PTDSS1: variants seen among roughly 807,000 people sequenced by gnomAD.
PTDSS1 encodes the protein phosphatidylserine synthase 1.
Under a neutral mutation model 70.5 loss-of-function variants are expected in PTDSS1, and 45 were observed. The observed-to-expected ratio is 0.64, with a 90% CI of 0.50 to 0.82. The LOEUF is 0.82. PTDSS1 is among the 40% of genes least tolerant of loss of function. PTDSS1 has a pLI of 0.00. For synonymous variants in PTDSS1, 188 were observed against 203.8 expected (o/e 0.92, Z 0.66); for missense variants, 417 against 586.1 (o/e 0.71, Z 2.98).
intron 2 of PTDSS1, among the ~76,000 whole-genome samples, chr8:96,274,148 T>C (rs1016598606): frequency 6.6e-6 from 1 of 152,080 alleles, no homozygotes; most frequent in African/African-American, 2.4e-5. Context: ...TTCTATTTTT[T>C]TTTTTTTTAA....
intron 9 of PTDSS1, among the ~76,000 whole-genome samples, chr8:96,310,587 G>A (rs531728691): frequency 1.3e-5 from 2 of 151,754 alleles, no homozygotes; most frequent in South Asian, 4.2e-4. Flanking sequence ...CCTTCTGGAT[G>A]TATCTTGAGT....
At chr8:96,319,562 A>C (rs1461984368) in intron 9 of PTDSS1, among the ~76,000 whole-genome samples, 1 of 152,118 alleles carries the variant, frequency 6.6e-6, no homozygotes, top group African/African-American at 2.4e-5. Flanking sequence ...AAGGGTTTAT[A>C]TTTTCACCAA....
In PTDSS1 at chr8:96,262,300, G is replaced by A; in HGVS notation, c.179+81G>A. On this transcript the variant is annotated intron_variant, in intron 1 of 12. Coordinates refer to ENST00000517309, the MANE Select transcript of PTDSS1 (RefSeq NM_014754.3). The surrounding 1 kb of genome is among the most constrained non-coding windows in gnomAD (Gnocchi z 4.4). ...GGGAGGGTGGCGGGGAGGGGGGCCC[G>A]GCATGGCTCTGGGTGAGGAAGTGGG... The A allele has an allele frequency of 1.4e-6, 2 of 1,465,454 alleles. No homozygotes were observed. Among genetic ancestry groups the A allele is most frequent in the South Asian group, 1.3e-5 (1 of 79,836 alleles). 90.8% of individuals were successfully genotyped at this position (1,465,454 alleles called of 1,614,324 possible).
intron 2 of PTDSS1, among the ~76,000 whole-genome samples, chr8:96,279,676 A>C (rs1280154393): frequency 6.6e-6 from 1 of 151,914 alleles, no homozygotes; most frequent in Non-Finnish European, 1.5e-5. Context: ...AAAATTAGCC[A>C]GGTGGGGTGG....
In PTDSS1 at chr8:96,261,947, T is replaced by C. The variant is rs996064487; in HGVS notation, c.-94T>C. 5 of 1,333,392 alleles carry C rather than the reference T, an allele frequency of 3.7e-6. No individual in the cohort carries two copies. The highest frequency in any genetic ancestry group is 2.3e-5 in the Admixed American group (1 of 43,026). The allele number at this position is 1,333,392 out of a possible 1,614,324, so 82.6% of individuals were successfully genotyped here. A position where few individuals can be genotyped will look rare whatever the true frequency, so the allele number is the denominator to read the frequency against. On this transcript the variant is annotated 5_prime_UTR_variant, in exon 1 of 13. Coordinates refer to ENST00000517309, the MANE Select transcript of PTDSS1 (RefSeq NM_014754.3). ...CTGGGCGCCAGACCCGGCTTTGCCG[T>C]CCGGCTATTAGCCTACTGTGGCTAG...
At chr8:96,276,970 GCACGCGCGCGCA>G (rs1280804121) in intron 2 of PTDSS1, among the ~76,000 whole-genome samples, 1 of 115,608 alleles carries the variant, frequency 8.6e-6, no homozygotes, top group African/African-American at 3.2e-5. Context: ...ATACACGCGC[GCACGCGCGCGCA>G]CACACACACA....
chr8:96,295,617 T>C (rs1004682628), intron 5 of PTDSS1, among the ~76,000 whole-genome samples: 4 of 152,224 alleles, frequency 2.6e-5, no homozygotes, highest in African/African-American at 9.6e-5. Flanking sequence ...CAGTTTGAGA[T>C]AATAGAATTG....
At position 96,336,527 on chromosome 8, in the gene PTDSS1, G is replaced by C. The variant is rs1453372213; in HGVS notation, c.*2961G>C. 1 of 152,024 alleles carries C rather than the reference G, an allele frequency of 6.6e-6. No homozygotes were observed. The highest frequency in any genetic ancestry group is 2.4e-5 in the African/African-American group (1 of 41,258). 9.4% of individuals were successfully genotyped at this position (152,024 alleles called of 1,614,324 possible). The stretch of plus-strand genomic sequence containing the variant: ...GCCCTTTAAAATACGGGGTTGGGGG[G>C]TTAACATCCGCTCTTTGGAATGTGC... On this transcript the variant is annotated 3_prime_UTR_variant, in exon 13 of 13. Coordinates refer to ENST00000517309, the MANE Select transcript of PTDSS1 (RefSeq NM_014754.3).
chr8:96,295,194 G>T lies in PTDSS1; in HGVS notation c.538G>T (p.Ala180Ser). 1.2e-6 allele frequency: 2 copies of T among 1,614,182 alleles called. No individual in the cohort carries two copies. The highest frequency in any genetic ancestry group is 1.7e-6 in the Non-Finnish European group (2 of 1,180,022). ...FGHFWGWAMK[A>S]LLIRSYGLCW... ...ACATTTCTGGGGCTGGGCCATGAAG[G>T]CCTTGCTGATCCGTAGTTACGGTCT... Residue 180 changes from alanine (A) to serine (S), a missense_variant, in exon 5 of 13, where the codon GCC becomes TCC. Around this residue, in one of 3 missense-constraint regions of PTDSS1, gnomAD observed 272 missense variants for 429.5 expected, o/e 0.63. Transcript: ENST00000517309.
rs759816359 is a variant in PTDSS1, at chr8:96,284,112, C to T, written c.275C>T (p.Pro92Leu). Residue 92 changes from proline (P) to leucine (L), a missense_variant, in exon 3 of 13, where the codon CCG becomes CTG. Around this residue, in one of 3 missense-constraint regions of PTDSS1, gnomAD observed 272 missense variants for 429.5 expected, o/e 0.63. Transcript: ENST00000517309. ...TTATAATGTTATTTATCTGCAGGTCCGTTCACTCGACCTCATCCAGCCTTA... is the reference window on the plus strand; with the variant it reads ...TTATAATGTTATTTATCTGCAGGTCTGTTCACTCGACCTCATCCAGCCTTA... Reference protein sequence around the residue: ...IISVLAFPNGPFTRPHPALWR... With the variant: ...IISVLAFPNGLFTRPHPALWR... The T allele has an allele frequency of 6.8e-6, 11 of 1,608,834 alleles. No individual in the cohort carries two copies. The highest frequency in any genetic ancestry group is 3.3e-5 in the South Asian group (3 of 90,562).
In PTDSS1 at chr8:96,320,236, G is replaced by A. The variant is rs780518330; in HGVS notation, c.1074-10G>A. 1 of 1,581,248 alleles carries A rather than the reference G, an allele frequency of 6.3e-7. No homozygotes were observed. The highest frequency in any genetic ancestry group is 8.7e-7 in the Non-Finnish European group (1 of 1,150,162). On this transcript the variant is annotated splice_polypyrimidine_tract_variant and intron_variant, in intron 9 of 12. Transcript: ENST00000517309. ...GATTAATACTTAACCTCTGTTCTCTGTCTAATTAGGGTCATTGGTTTCCTG... is the reference window on the plus strand; with the variant it reads ...GATTAATACTTAACCTCTGTTCTCTATCTAATTAGGGTCATTGGTTTCCTG...
intron 9 of PTDSS1, among the ~76,000 whole-genome samples, chr8:96,312,915 G>A (rs1811232848): frequency 1.3e-5 from 2 of 152,202 alleles, no homozygotes; most frequent in Non-Finnish European, 2.9e-5. Context: ...AAACACTGAA[G>A]TGTGTGGTTT....
At chr8:96,320,223 A>C (rs3735988) in intron 9 of PTDSS1, 23 bp from the exon 10 acceptor site, 2 of 1,543,640 alleles carry the variant, frequency 1.3e-6, no homozygotes, top group East Asian at 4.5e-5. Context: ...TTAATACTTA[A>C]CCTCTGTTCT....
In PTDSS1 at chr8:96,262,439, T is replaced by A. The variant is rs1474915496; in HGVS notation, c.179+220T>A. Among the ~76,000 whole-genome samples, 28 of 152,138 alleles carry A rather than the reference T, an allele frequency of 1.8e-4. No homozygotes were observed. The highest frequency in any genetic ancestry group is 8.8e-5 in the Non-Finnish European group (6 of 68,006). The stretch of plus-strand genomic sequence containing the variant: ...CCTACCCCTCAGTGCCCCTTCTCCA[T>A]ACAGCGCCTCCGGTTACACGGGGAA... On this transcript the variant is annotated intron_variant, in intron 1 of 12. Coordinates refer to ENST00000517309, the MANE Select transcript of PTDSS1 (RefSeq NM_014754.3). The surrounding 1 kb of genome is among the most constrained non-coding windows in gnomAD (Gnocchi z 4.4).
In PTDSS1 at chr8:96,320,234, C is replaced by G. The variant is rs1486962282; in HGVS notation, c.1074-12C>G. ...TGGATTAATACTTAACCTCTGTTCTCTGTCTAATTAGGGTCATTGGTTTCC... is the reference window on the plus strand; with the variant it reads ...TGGATTAATACTTAACCTCTGTTCTGTGTCTAATTAGGGTCATTGGTTTCC... On this transcript the variant is annotated splice_polypyrimidine_tract_variant and intron_variant, in intron 9 of 12. Coordinates refer to ENST00000517309, the MANE Select transcript of PTDSS1 (RefSeq NM_014754.3). 6.3e-6 allele frequency: 10 copies of G among 1,575,300 alleles called. No homozygotes were observed. In the South Asian group the frequency reaches 1.1e-4, roughly 17 times the overall value.
intron 1 of PTDSS1, among the ~76,000 whole-genome samples, chr8:96,273,078 T>A (rs1810588799): frequency 6.6e-6 from 1 of 152,232 alleles, no homozygotes; most frequent in Non-Finnish European, 1.5e-5. Context: ...TAATCAGGTC[T>A]GTGAAATTAA....
intron 2 of PTDSS1, among the ~76,000 whole-genome samples, chr8:96,278,617 A>G (rs2130026645): frequency 6.6e-6 from 1 of 152,316 alleles, no homozygotes; most frequent in East Asian, 1.9e-4. Flanking sequence ...TCATCCCATT[A>G]TAGCAACTGA....
chr8:96,278,265 T>A (rs1810678576), intron 2 of PTDSS1, among the ~76,000 whole-genome samples: 1 of 152,224 alleles, frequency 6.6e-6, no homozygotes, highest in Non-Finnish European at 1.5e-5. Context: ...TTATAGTGTT[T>A]AGAGGAGTAG....
intron 1 of PTDSS1, among the ~76,000 whole-genome samples, chr8:96,270,926 A>G (rs1462279848): frequency 6.6e-6 from 1 of 152,228 alleles, no homozygotes; most frequent in Non-Finnish European, 1.5e-5. Flanking sequence ...CCATTTAGTT[A>G]TAAATTTAGT....
Sources: gnomAD v4.1 joint callset for allele counts (sites outside exome capture counted in the v4.1 genomes callset) on GRCh38, gnomAD v4.1.1 for gene constraint, gnomAD v4.1.1 regional missense constraint, Gnocchi (gnomAD v3.1) non-coding constraint, MANE v1.5 for transcripts, NCBI Gene and HGNC (gene_info 2026-07-23, HGNC 2026-07-21) for gene names.